Variants in DUS4L observed in about 807,000 individuals in gnomAD.
The protein encoded by DUS4L is dihydrouridine synthase 4 like.
In DUS4L, 31 loss-of-function variants were observed where a neutral mutation model predicts 33.8. The observed-to-expected ratio is 0.92, with a 90% CI of 0.69 to 1.24. DUS4L has a LOEUF of 1.24. DUS4L is among the 50% of genes most tolerant of loss of function. DUS4L has a pLI of 0.00. For missense variants in DUS4L, 368 were observed against 388.6 expected, an observed-to-expected ratio of 0.95 and a Z score of 0.45; for synonymous variants, 103 against 120.3, an observed-to-expected ratio of 0.86 and a Z score of 0.94.
chr7:107,567,991 G>T, intron 3 of DUS4L: 1 of 213,760 alleles, frequency 4.7e-6, no homozygotes, highest in Non-Finnish European at 9.4e-6. Flanking sequence ...CCTTTTTAAG[G>T]CTGAATAATA....
chr7:107,572,945 ATTTCT>A (rs967583657), intron 4 of DUS4L, among the ~76,000 whole-genome samples: 1 of 152,180 alleles, frequency 6.6e-6, no homozygotes, highest in Non-Finnish European at 1.5e-5. Flanking sequence ...AGCAATACTA[ATTTCT>A]TTGTTTTATT....
intron 5 of DUS4L, chr7:107,574,920 T>C (rs1805591712): frequency 2.4e-6 from 1 of 419,522 alleles, no homozygotes; most frequent in South Asian, 2.5e-5. Context: ...ACTTCAAATA[T>C]TTAAACCTGT....
chr7:107,571,317 C>T, intron 4 of DUS4L, 51 bp downstream of exon 4: 2 of 1,570,256 alleles, frequency 1.3e-6, no homozygotes, highest in East Asian at 2.3e-5. Context: ...AATTTGTTTA[C>T]AAACTCAACT....
At chr7:107,571,507 C>G (rs1311212787) in intron 4 of DUS4L, among the ~76,000 whole-genome samples, 1 of 152,186 alleles carries the variant, frequency 6.6e-6, no homozygotes, top group Non-Finnish European at 1.5e-5. Context: ...AGAGTAGATT[C>G]CTGTCACACT....
At chr7:107,564,765 G>T (rs898311405) in intron 2 of DUS4L, 89 bp downstream of exon 2, 3 of 152,166 alleles carry the variant, frequency 2.0e-5, no homozygotes, top group Admixed American at 2.0e-4. Flanking sequence ...TAAATTAACA[G>T]GGTCAGGCAA....
At chr7:107,571,033 A>G (rs1234568293) in intron 3 of DUS4L, 112 bp from the exon 4 acceptor site, 2 of 1,366,636 alleles carry the variant, frequency 1.5e-6, no homozygotes, top group Non-Finnish European at 1.0e-6. Flanking sequence ...GGGAAAAGTA[A>G]ATCTCCTCCA....
chr7:107,566,235 G>A (rs764888289), intron 2 of DUS4L, among the ~76,000 whole-genome samples: 8 of 152,134 alleles, frequency 5.3e-5, no homozygotes, highest in Non-Finnish European at 7.3e-5. Context: ...CCATTCTAAA[G>A]TTGGCCCATA....
intron 6 of DUS4L, 160 bp downstream of exon 6, chr7:107,575,470 C>T (rs1296777825): frequency 1.4e-6 from 1 of 714,316 alleles, no homozygotes; most frequent in Non-Finnish European, 2.1e-6. Context: ...AGAATATATA[C>T]CATAATTTTC....
At chr7:107,565,992 C>CTCCT (rs1804644379) in intron 2 of DUS4L, among the ~76,000 whole-genome samples, 1 of 152,278 alleles carries the variant, frequency 6.6e-6, no homozygotes, top group Middle Eastern at 3.4e-3. Flanking sequence ...TACCTATCCC[C>CTCCT]TCCTTCCTTC....
rs1020133492 is a variant in DUS4L, at chr7:107,573,899, A to G, written c.356+78A>G. On this transcript the variant is annotated intron_variant, in intron 5 of 7. Transcript: ENST00000265720. ...TGTGAACATGGTAAAATATCTTTCT[A>G]GTTTTCCAAAAATTAAAAAGAAAAT... 8 of 1,394,692 alleles carry G rather than the reference A, an allele frequency of 5.7e-6. No individual in the cohort carries two copies. In the African/African-American group the frequency reaches 1.2e-4, roughly 21 times the overall value. The allele number at this position is 1,394,692 out of a possible 1,614,324, so 86.4% of individuals were successfully genotyped here.
rs149916053 is a variant in DUS4L, at chr7:107,573,966, A to G, written c.356+145A>G. 403 of 1,141,086 alleles carry G rather than the reference A, an allele frequency of 3.5e-4. 2 individuals carry two copies. The African/African-American group carries it at 5.7e-3, about 16-fold the overall frequency. 70.7% of individuals were successfully genotyped at this position (1,141,086 alleles called of 1,614,324 possible). A position where few individuals can be genotyped will look rare whatever the true frequency, so the allele number is the denominator to read the frequency against. ...GGCTCAAAACAAGAAGGAAGAAAAT[A>G]TAGGGAAATGTAATTTAGAAACATA... is the stretch of plus-strand genomic sequence containing the variant. On this transcript the variant is annotated intron_variant, in intron 5 of 7. Coordinates refer to ENST00000265720, the MANE Select transcript of DUS4L (RefSeq NM_181581.3).
intron 7 of DUS4L, 88 bp downstream of exon 7, chr7:107,576,680 G>T: frequency 7.9e-7 from 1 of 1,273,024 alleles, no homozygotes; most frequent in East Asian, 2.5e-5. Flanking sequence ...CATTTGTTTT[G>T]TTTAACATTA....
chr7:107,568,005 C>T (rs2129189454), intron 3 of DUS4L: 2 of 214,228 alleles, frequency 9.3e-6, no homozygotes, highest in Middle Eastern at 1.1e-3. Context: ...AATAATATTC[C>T]ATTTTATGTA....
rs1395654448 is a variant in DUS4L, at chr7:107,575,230, G to T, written c.399G>T (p.Lys133Asn). The stretch of plus-strand genomic sequence containing the variant: ...GTTATGGGGCTTGCTTAATAAACAA[G>T]CCAGAGCTTGTTCAAGACATGGTGA... Reference protein sequence around the residue: ...AEGYGACLINKPELVQDMVKQ... With the variant: ...AEGYGACLINNPELVQDMVKQ... Residue 133 changes from lysine to asparagine, a missense_variant, in exon 6 of 8, where the codon AAG (lysine) becomes AAT (asparagine). By Grantham distance (94) the Lys-to-Asn change is moderately conservative. Transcript: ENST00000265720. The T allele has an allele frequency of 1.2e-6, 2 of 1,609,656 alleles. No homozygotes were observed. The highest frequency in any genetic ancestry group is 1.7e-6 in the Non-Finnish European group (2 of 1,178,980).
Position 107,573,523 on chromosome 7 carries a change from G to A in DUS4L, c.239-181G>A, listed in dbSNP as rs143126563. ...TTTTGTACTGTTTGAATTTTTTACCGTGTAAATTGCTTTTAATTTTAAATA... is the reference window on the plus strand; with the variant it reads ...TTTTGTACTGTTTGAATTTTTTACCATGTAAATTGCTTTTAATTTTAAATA... On this transcript the variant is annotated intron_variant, in intron 4 of 7. Transcript: ENST00000265720. Among the ~76,000 whole-genome samples the A allele has an allele frequency of 4.9e-3, 747 of 152,232 alleles. 4 individuals carry two copies. The highest frequency in any genetic ancestry group is 0.02 in the Middle Eastern group (6 of 294).
At position 107,577,564 on chromosome 7, in the gene DUS4L, G is replaced by C; in HGVS notation, c.*4G>C. On this transcript the variant is annotated 3_prime_UTR_variant, in exon 8 of 8. Transcript: ENST00000265720. ...TACAGACCATTATGGCATTTGACTA[G>C]ACTTCCCAAATAATTTTAATATATA... is the stretch of plus-strand genomic sequence containing the variant. 6.2e-7 allele frequency: 1 copy of C among 1,609,420 alleles called. No individual in the cohort carries two copies. Among genetic ancestry groups the C allele is most frequent in the Non-Finnish European group, 8.5e-7 (1 of 1,177,512 alleles).
intron 3 of DUS4L, among the ~76,000 whole-genome samples, chr7:107,569,742 G>A (rs1240507380): frequency 6.6e-6 from 1 of 152,198 alleles, no homozygotes; most frequent in East Asian, 1.9e-4. Context: ...CATAGAAATA[G>A]ATTTTTGTAT....
intron 5 of DUS4L, chr7:107,574,757 TG>T (rs1805578524): frequency 4.2e-6 from 1 of 239,910 alleles, no homozygotes; most frequent in Non-Finnish European, 8.1e-6. Flanking sequence ...TAGACATATT[TG>T]TATACTCATT....
chr7:107,567,317 T>C (rs1804801941), intron 3 of DUS4L, 131 bp downstream of exon 3: 1 of 708,322 alleles, frequency 1.4e-6, no homozygotes, highest in South Asian at 1.9e-5. Flanking sequence ...TGACTTAGAA[T>C]TGAGTCATGA....
Sources: gnomAD v4.1 joint callset for allele counts (sites outside exome capture counted in the v4.1 genomes callset) on GRCh38, gnomAD v4.1.1 for gene constraint, MANE v1.5 for transcripts, NCBI Gene and HGNC (gene_info 2026-07-23, HGNC 2026-07-21) for gene names.